BCL11B: variants seen among roughly 807,000 people sequenced by gnomAD.
BCL11B encodes the protein B-cell lymphoma/leukemia 11B.
Under a neutral mutation model 49.9 loss-of-function variants are expected in BCL11B, and 8 were observed. That is an observed-to-expected ratio of 0.16 (90% CI 0.09 to 0.29). The LOEUF (loss-of-function observed/expected upper bound fraction) is 0.29. Among genes scored for constraint, BCL11B ranks in the 10% least tolerant of loss-of-function variants. The pLI is 1.00. For missense variants in BCL11B, 1,006 were observed against 1,351.0 expected, an observed-to-expected ratio of 0.74 and a Z score of 4.00; for synonymous variants, 739 against 637.4, an observed-to-expected ratio of 1.16 and a Z score of -2.40.
At chr14:99,191,357 C>T (rs899920591) in intron 3 of BCL11B, among the ~76,000 whole-genome samples, 7 of 151,886 alleles carry the variant, frequency 4.6e-5, no homozygotes, top group Middle Eastern at 3.4e-3. Context: ...GGGCCACACC[C>T]GTCAACTTAA....
At chr14:99,220,855 ATTT>A (rs545161897) in intron 3 of BCL11B, among the ~76,000 whole-genome samples, 16 of 151,892 alleles carry the variant, frequency 1.1e-4, no homozygotes, top group Admixed American at 5.2e-4. Flanking sequence ...TATTTTATTT[ATTT>A]TTTTTATTTT....
At chr14:99,199,696 G>GCGCGCGCA (rs1555378702) in intron 3 of BCL11B, among the ~76,000 whole-genome samples, 28 of 77,940 alleles carry the variant, frequency 3.6e-4, no homozygotes, top group African/African-American at 1.1e-3. Context: ...GCGCGCGCGC[G>GCGCGCGCA]CACGTGCACG....
chr14:99,235,662 T>C (rs1048613099), intron 2 of BCL11B, among the ~76,000 whole-genome samples: 3 of 151,902 alleles, frequency 2.0e-5, no homozygotes, highest in Non-Finnish European at 2.9e-5. Flanking sequence ...CTCTTTTATC[T>C]TGGGCTTCTT....
intron 3 of BCL11B, among the ~76,000 whole-genome samples, chr14:99,181,557 T>C (rs1713998565): frequency 6.6e-6 from 1 of 152,114 alleles, no homozygotes; most frequent in South Asian, 2.1e-4. Flanking sequence ...ACAATGCAAA[T>C]GGCCACGAAG....
At chr14:99,260,004 A>G (rs1429933160) in intron 1 of BCL11B, among the ~76,000 whole-genome samples, 1 of 152,220 alleles carries the variant, frequency 6.6e-6, no homozygotes, top group Non-Finnish European at 1.5e-5. Flanking sequence ...CCAATTACAT[A>G]TACATAATTT....
intron 3 of BCL11B, among the ~76,000 whole-genome samples, chr14:99,201,288 T>G (rs548171364): frequency 2.6e-5 from 4 of 152,276 alleles, no homozygotes; most frequent in African/African-American, 9.6e-5. Context: ...AGTTAAAAAG[T>G]TGTCACACAC....
At chr14:99,264,456 G>C (rs368879753) in intron 1 of BCL11B, 1 of 151,912 alleles carries the variant, frequency 6.6e-6, no homozygotes, top group East Asian at 1.9e-4. Context: ...AATAAAATAA[G>C]TGGAAGGGGG....
In BCL11B at chr14:99,175,918, G is replaced by C. The variant is rs1234387876; in HGVS notation, c.918C>G (p.Gly306=). 2.8e-6 allele frequency: 4 copies of C among 1,445,958 alleles called. No homozygotes were observed. Among genetic ancestry groups the C allele is most frequent in the Middle Eastern group, 1.8e-4 (1 of 5,448 alleles). The allele number at this position is 1,445,958 out of a possible 1,614,324, so 89.6% of individuals were successfully genotyped here. Residue 306 remains glycine (G), a synonymous_variant, in exon 4 of 4, where the codon GGC becomes GGG. Coordinates refer to ENST00000357195, the MANE Select transcript of BCL11B (RefSeq NM_138576.4). ...GCGGCGTGCCCGGCAGGCGGCCCTC[G>C]CCGAAGCCCGGGTGGTCCCGCAGGA... ...GPILRDHPGF[G]EGRLPGTPPL...
At chr14:99,222,370 A>C (rs551837961) in intron 3 of BCL11B, among the ~76,000 whole-genome samples, 2 of 152,108 alleles carry the variant, frequency 1.3e-5, no homozygotes, top group Non-Finnish European at 2.9e-5. Flanking sequence ...AGGTGTAGAC[A>C]CTGCCTTTTC....
intron 3 of BCL11B, among the ~76,000 whole-genome samples, chr14:99,176,423 C>G (rs1253639416): frequency 6.6e-6 from 1 of 152,180 alleles, no homozygotes; most frequent in Non-Finnish European, 1.5e-5. Flanking sequence ...GCCACCCGGG[C>G]GCCAGCGACT....
Position 99,175,071 on chromosome 14 carries a change from C to G in BCL11B, c.1765G>C (p.Asp589His), listed in dbSNP as rs1487516853. The change falls in exon 4 of 4, where the codon GAC becomes CAC. Residue 589 changes from aspartate (D) to histidine (H), a missense_variant. By Grantham distance (81) the Asp-to-His change is moderately conservative. Coordinates refer to ENST00000357195, the MANE Select transcript of BCL11B (RefSeq NM_138576.4). Reference protein sequence around the residue: ...AGGGAAKALADEKALVLGKVM... With the variant: ...AGGGAAKALAHEKALVLGKVM... ...TTGCCCAGCACCAGCGCCTTCTCGT[C>G]AGCCAGCGCCTTGGCCGCGCCGCCC... is the stretch of plus-strand genomic sequence containing the variant. 6.2e-7 allele frequency: 1 copy of G among 1,600,508 alleles called. No individual in the cohort carries two copies. The highest frequency in any genetic ancestry group is 1.3e-5 in the African/African-American group (1 of 74,734).
At chr14:99,217,652 TGCTACTG>T (rs564932632) in intron 3 of BCL11B, among the ~76,000 whole-genome samples, 2 of 152,336 alleles carry the variant, frequency 1.3e-5, no homozygotes, top group African/African-American at 4.8e-5. Context: ...GTTCTCTCAA[TGCTACTG>T]GCTTCCAGAC....
chr14:99,193,539 G>A (rs529829374), intron 3 of BCL11B, among the ~76,000 whole-genome samples: 2 of 152,136 alleles, frequency 1.3e-5, no homozygotes, highest in Non-Finnish European at 2.9e-5. Context: ...CGGAGAACTC[G>A]GATTCCGGCT....
intron 3 of BCL11B, among the ~76,000 whole-genome samples, chr14:99,193,620 T>C (rs1887100345): frequency 6.6e-6 from 1 of 152,006 alleles, no homozygotes; most frequent in South Asian, 2.1e-4. Context: ...GTTTCCCTTC[T>C]AAAAAAATGA....
chr14:99,237,576 C>G (rs1225621267), intron 2 of BCL11B, among the ~76,000 whole-genome samples: 1 of 152,284 alleles, frequency 6.6e-6, no homozygotes, highest in Middle Eastern at 3.4e-3. Flanking sequence ...ACTGTTTTGT[C>G]TGGGCACCCG....
chr14:99,254,644 G>A (rs1045132469), intron 2 of BCL11B, among the ~76,000 whole-genome samples: 1 of 152,206 alleles, frequency 6.6e-6, no homozygotes, highest in East Asian at 1.9e-4. Flanking sequence ...CGGGGCCAGC[G>A]AGGCCCTGGG....
chr14:99,215,754 G>A (rs1887815914), intron 3 of BCL11B, among the ~76,000 whole-genome samples: 1 of 152,232 alleles, frequency 6.6e-6, no homozygotes, highest in Admixed American at 6.5e-5. Context: ...TATTAAGAGA[G>A]AGAGAAAGAG....
In BCL11B at chr14:99,174,280, C is replaced by T. The variant is rs1595213122; in HGVS notation, c.2556G>A (p.Glu852=). The change falls in exon 4 of 4, where the codon GAG becomes GAA. Residue 852 remains glutamate (E), a synonymous_variant. Transcript: ENST00000357195. ...HMKTHGQIGK[E]VYRCDICQMP... ...TCTGGCAGATGTCGCAGCGGTACAC[C>T]TCCTTGCCGATCTGCCCGTGCGTCT... The T allele has an allele frequency of 1.9e-6, 3 of 1,613,760 alleles. 1 individual carries two copies. The highest frequency in any genetic ancestry group is 4.5e-5 in the East Asian group (2 of 44,870).
rs1886276927 is a variant in BCL11B at position 99,171,155 on chromosome 14, C to G, written c.*2996G>C. 8.7e-6 allele frequency: 2 copies of G among 228,620 alleles called. No homozygotes were observed. The highest frequency in any genetic ancestry group is 2.2e-5 in the African/African-American group (1 of 45,024). 14.2% of individuals were successfully genotyped at this position (228,620 alleles called of 1,614,324 possible). A position where few individuals can be genotyped will look rare whatever the true frequency, so the allele number is the denominator to read the frequency against. On this transcript the variant is annotated 3_prime_UTR_variant, in exon 4 of 4. Coordinates refer to ENST00000357195, the MANE Select transcript of BCL11B (RefSeq NM_138576.4). ...GGTCTGCTGTGGCCACACCAAGGAG[C>G]CTTGATGCAAGGTTCGGGGCGTTCA...
Sources: gnomAD v4.1 joint callset for allele counts (sites outside exome capture counted in the v4.1 genomes callset) on GRCh38, gnomAD v4.1.1 for gene constraint, MANE v1.5 for transcripts, NCBI Gene and HGNC (gene_info 2026-07-23, HGNC 2026-07-21) for gene names.